Variants in CACNA1C observed in about 807,000 individuals in gnomAD.
CACNA1C encodes the protein voltage-dependent L-type calcium channel subunit alpha-1C.
A neutral mutation model predicts 229.0 loss-of-function variants in CACNA1C; 30 were observed. The observed-to-expected ratio is 0.13, with a 90% CI of 0.10 to 0.18. The LOEUF is 0.18. CACNA1C is among the 10% of genes least tolerant of loss of function. The pLI is 1.00. For missense variants in CACNA1C, 1,658 were observed against 2,845.0 expected (o/e 0.58, Z 9.49); for synonymous variants, 1,114 against 1,132.5 (o/e 0.98, Z 0.33).
chr12:2,295,352 A>C (rs984047720), intron 3 of CACNA1C, among the ~76,000 whole-genome samples: 10 of 152,114 alleles, frequency 6.6e-5, no homozygotes, highest in African/African-American at 1.9e-4. Flanking sequence ...TCAAGGTTTC[A>C]TTCAAACCAA....
At chr12:2,564,144 A>T (rs185049462) in intron 11 of CACNA1C, among the ~76,000 whole-genome samples, 88 of 152,022 alleles carry the variant, frequency 5.8e-4, no homozygotes, top group South Asian at 1.7e-3. Context: ...CCACACACAG[A>T]CACACACACA....
intron 3 of CACNA1C, among the ~76,000 whole-genome samples, chr12:2,129,936 C>T (rs1406766970): frequency 2.0e-5 from 3 of 152,136 alleles, no homozygotes; most frequent in African/African-American, 7.2e-5. Flanking sequence ...TGATTGAGGA[C>T]CTATGGGGCT....
At chr12:2,280,750 C>G (rs938516885) in intron 3 of CACNA1C, among the ~76,000 whole-genome samples, 1 of 150,466 alleles carries the variant, frequency 6.6e-6, no homozygotes, top group Admixed American at 6.6e-5. Context: ...TGCTGTGCTT[C>G]GGTTTAACCT....
At chr12:2,099,877 T>G (rs2075669771) in intron 1 of CACNA1C, among the ~76,000 whole-genome samples, 1 of 152,092 alleles carries the variant, frequency 6.6e-6, no homozygotes, top group South Asian at 2.1e-4. Flanking sequence ...TGATGTTCAT[T>G]AACTCATTTG....
Position 2,665,616 on chromosome 12 carries a change from C to T in CACNA1C, c.4434C>T (p.Asn1478=). ...INLFVAVIMD[N]FDYLTRDWSI... is the part of the protein sequence containing the mutation. ...TCTTTGTAGCTGTCATCATGGACAA[C>T]TTTGACTACCTGACAAGGGACTGGT... The change falls in exon 36 of 47, where the codon AAC becomes AAT. Residue 1478 remains asparagine (N), a synonymous_variant. Coordinates refer to ENST00000399655, the MANE Select transcript of CACNA1C (RefSeq NM_000719.7). The surrounding 1 kb of genome is among the most constrained non-coding windows in gnomAD (Gnocchi z 5.9). The T allele has an allele frequency of 1.9e-6, 3 of 1,613,850 alleles. No homozygotes were observed. The highest frequency in any genetic ancestry group is 2.5e-6 in the Non-Finnish European group (3 of 1,179,806).
chr12:2,067,160 G>A lies in CACNA1C; in HGVS notation c.49+13549G>A, dbSNP rs1341198411. Among the ~76,000 whole-genome samples, 4 of 152,246 alleles carry A rather than the reference G, an allele frequency of 2.6e-5. No homozygotes were observed. The highest frequency in any genetic ancestry group is 6.8e-3 in the Middle Eastern group (2 of 294). On this transcript the variant is annotated intron_variant, in intron 1 of 46. Coordinates refer to ENST00000399655, the MANE Select transcript of CACNA1C (RefSeq NM_000719.7). This position sits in a 1 kb window ranked among gnomAD's most constrained non-coding sequence, Gnocchi z 5.3. ...GCAAAGGGTTCTAGCTCTGTAGGAG[G>A]CGTGCCAAGCTCGAGCTGGTGTGGG...
chr12:2,178,601 G>C (rs139864101), intron 3 of CACNA1C, among the ~76,000 whole-genome samples: 2 of 152,294 alleles, frequency 1.3e-5, no homozygotes, highest in African/African-American at 4.8e-5. Context: ...ACACCTCTCT[G>C]CTCCTGGAAA....
chr12:2,529,291 A>G lies in CACNA1C; in HGVS notation c.1390+16307A>G, dbSNP rs1163637763. Among the ~76,000 whole-genome samples the G allele has an allele frequency of 2.6e-5, 4 of 152,176 alleles. No homozygotes were observed. The South Asian group carries it at 8.3e-4, about 32-fold the overall frequency. On this transcript the variant is annotated intron_variant, in intron 9 of 46. Transcript: ENST00000399655. ...GTCTTACCCGCTCCTTCATGCTCCC[A>G]GAAACCCCATTCCACAGCTGCATCA... is the stretch of plus-strand genomic sequence containing the variant.
chr12:2,340,115 C>G (rs142880634), intron 3 of CACNA1C, among the ~76,000 whole-genome samples: 64 of 152,258 alleles, frequency 4.2e-4, no homozygotes, highest in African/African-American at 1.4e-3. Context: ...GTTTGGTGAG[C>G]ACGAAGCTGT....
rs759223455 is a variant in CACNA1C, at chr12:2,585,910, A to G, written c.2530+6A>G. ...CCCCAACCCAGAAACTACAGGTACC[A>G]GTCCCACTGCCTAACCTGGGATTGG... On this transcript the variant is annotated splice_donor_region_variant and intron_variant, in intron 18 of 46. Transcript: ENST00000399655. The surrounding 1 kb of genome is among the most constrained non-coding windows in gnomAD (Gnocchi z 4.1). 6.4e-7 allele frequency: 1 copy of G among 1,569,450 alleles called. No individual in the cohort carries two copies. Among genetic ancestry groups the G allele is most frequent in the Non-Finnish European group, 8.7e-7 (1 of 1,152,268 alleles).
intron 3 of CACNA1C, among the ~76,000 whole-genome samples, chr12:2,390,274 C>A (rs1051296437): frequency 1.3e-5 from 2 of 152,124 alleles, no homozygotes; most frequent in Non-Finnish European, 2.9e-5. Flanking sequence ...TTTGGGAACA[C>A]CAGAACAACA....
At chr12:1,998,945 A>G (rs191042455) in intron 1 of CACNA1C, among the ~76,000 whole-genome samples, 43 of 152,256 alleles carry the variant, frequency 2.8e-4, no homozygotes, top group African/African-American at 7.2e-4. Context: ...ACGCCCTTTT[A>G]AAAAAAGCGT....
In CACNA1C at chr12:2,142,433, A is replaced by G. The variant is rs775425361; in HGVS notation, c.477+22003A>G. ...CAGACAGTTCTGTACAGTACTGTAC[A>G]GTACACAATACTTGATAATAAATGA... On this transcript the variant is annotated intron_variant, in intron 3 of 46. Coordinates refer to ENST00000399655, the MANE Select transcript of CACNA1C (RefSeq NM_000719.7). Among the ~76,000 whole-genome samples the G allele has an allele frequency of 2.0e-5, 3 of 151,358 alleles. 1 individual carries two copies. Among genetic ancestry groups the G allele is most frequent in the Non-Finnish European group, 3.0e-5 (2 of 67,624 alleles).
Position 2,581,754 on chromosome 12 carries a change from G to A in CACNA1C, c.2060G>A (p.Ser687Asn). 1 of 1,613,132 alleles carries A rather than the reference G, an allele frequency of 6.2e-7. No homozygotes were observed. The highest frequency in any genetic ancestry group is 8.5e-7 in the Non-Finnish European group (1 of 1,179,338). Residue 687 changes from serine to asparagine, a missense_variant, in exon 14 of 47, where the codon AGC becomes AAC. Coordinates refer to ENST00000399655, the MANE Select transcript of CACNA1C (RefSeq NM_000719.7). ...TTTGATGAGATGCAGACCCGGAGGAGCACATTCGATAACTTCCCCCAGTCC... is the reference window on the plus strand; with the variant it reads ...TTTGATGAGATGCAGACCCGGAGGAACACATTCGATAACTTCCCCCAGTCC... ...FNFDEMQTRR[S>N]TFDNFPQSLL...
intron 29 of CACNA1C, among the ~76,000 whole-genome samples, chr12:2,627,265 C>G (rs1378398304): frequency 6.6e-6 from 1 of 152,216 alleles, no homozygotes; most frequent in South Asian, 2.1e-4. Flanking sequence ...TCCAGTTATG[C>G]CTTCTCCATT....
chr12:2,095,366 C>A (rs759550790), intron 1 of CACNA1C, among the ~76,000 whole-genome samples: 2 of 152,200 alleles, frequency 1.3e-5, no homozygotes, highest in Non-Finnish European at 2.9e-5. Context: ...CAGAGATGAT[C>A]GAGTGTTACA....
chr12:1,983,550 G>A (rs1011381352), intron 1 of CACNA1C, among the ~76,000 whole-genome samples: 4 of 151,886 alleles, frequency 2.6e-5, no homozygotes. Flanking sequence ...TTCTGTTGTT[G>A]ATGTCTAATT....
At chr12:2,610,738 G>C (rs1265234052) in intron 28 of CACNA1C, 39 bp downstream of exon 28, 1 of 1,608,404 alleles carries the variant, frequency 6.2e-7, no homozygotes, top group Non-Finnish European at 8.5e-7. Context: ...TGCTGCAGAA[G>C]GGAGTGTGCC....
intron 34 of CACNA1C, among the ~76,000 whole-genome samples, chr12:2,661,980 C>G (rs542000578): frequency 1.3e-5 from 2 of 152,178 alleles, no homozygotes; most frequent in Non-Finnish European, 2.9e-5. Flanking sequence ...CAGTGGCTCA[C>G]GCCTGTAATC....
Sources: gnomAD v4.1 joint callset for allele counts (sites outside exome capture counted in the v4.1 genomes callset) on GRCh38, gnomAD v4.1.1 for gene constraint, Gnocchi (gnomAD v3.1) non-coding constraint, MANE v1.5 for transcripts, NCBI Gene and HGNC (gene_info 2026-07-23, HGNC 2026-07-21) for gene names.